Variants in FBXO32 observed in about 807,000 individuals in gnomAD.
FBXO32 encodes the protein F-box only protein 32.
A neutral mutation model predicts 48.3 loss-of-function variants in FBXO32; 15 were observed. The observed-to-expected ratio is 0.31, with a 90% confidence interval of 0.21 to 0.48. The LOEUF (loss-of-function observed/expected upper bound fraction) is 0.48. FBXO32 is among the 20% of genes least tolerant of loss of function. The probability of loss-of-function intolerance (pLI) is 0.99; values close to 1 mark genes in which losing one functional copy is unlikely to be tolerated. For missense variants in FBXO32, 309 were observed against 432.7 expected, an observed-to-expected ratio of 0.71 and a Z score of 2.54; for synonymous variants, 154 against 165.9, an observed-to-expected ratio of 0.93 and a Z score of 0.55.
At chr8:123,508,019 T>C (rs1395103067) in intron 6 of FBXO32, among the ~76,000 whole-genome samples, 1 of 152,180 alleles carries the variant, frequency 6.6e-6, no homozygotes, top group Non-Finnish European at 1.5e-5. Context: ...GATAAGTCAA[T>C]AGACCACCTG....
rs1816525094 is a variant in FBXO32, at chr8:123,502,834, T to C, written c.*539A>G. On this transcript the variant is annotated 3_prime_UTR_variant, in exon 9 of 9. Transcript: ENST00000517956. ...GGTAGACCATTGTGTGGTATCTCTG[T>C]AGGGTAAGGCTCTGTGCCCATGCAG... is the stretch of plus-strand genomic sequence containing the variant. 6.6e-6 allele frequency: 1 copy of C among 152,476 alleles called. No homozygotes were observed. Among genetic ancestry groups the C allele is most frequent in the South Asian group, 2.1e-4 (1 of 4,842 alleles). 9.4% of individuals were successfully genotyped at this position (152,476 alleles called of 1,614,324 possible). A position where few individuals can be genotyped will look rare whatever the true frequency, so the allele number is the denominator to read the frequency against.
chr8:123,538,160 T>A (rs994524209), intron 1 of FBXO32, among the ~76,000 whole-genome samples: 1 of 152,124 alleles, frequency 6.6e-6, no homozygotes, highest in African/African-American at 2.4e-5. Flanking sequence ...CCTGGACACA[T>A]GGCTGGGACT....
chr8:123,541,021 G>A lies in FBXO32; in HGVS notation c.-7C>T. ...CCTGCCCGAGGAATGGCATGGCACC[G>A]CGAGCGGACTAGACGGATGGGGAGA... On this transcript the variant is annotated 5_prime_UTR_variant, in exon 1 of 9. Transcript: ENST00000517956. 1 of 1,598,708 alleles carries A rather than the reference G, an allele frequency of 6.3e-7. No individual in the cohort carries two copies. The highest frequency in any genetic ancestry group is 8.6e-7 in the Non-Finnish European group (1 of 1,169,418).
chr8:123,533,359 T>G, intron 2 of FBXO32, 119 bp from the exon 3 acceptor site: 1 of 790,116 alleles, frequency 1.3e-6, no homozygotes, highest in Non-Finnish European at 2.0e-6. Flanking sequence ...AGGAGTCTAC[T>G]GACAACTGAA....
At chr8:123,510,164 A>C (rs1030907729) in intron 6 of FBXO32, among the ~76,000 whole-genome samples, 1 of 152,218 alleles carries the variant, frequency 6.6e-6, no homozygotes, top group South Asian at 2.1e-4. Flanking sequence ...CAGCTGATAC[A>C]TTTACAATAC....
At chr8:123,514,457 G>A in intron 4 of FBXO32, 124 bp from the exon 5 acceptor site, 2 of 570,624 alleles carry the variant, frequency 3.5e-6, no homozygotes, top group Non-Finnish European at 5.9e-6. Context: ...GGCAGGCAGG[G>A]CCACAATGCA....
At chr8:123,531,800 A>T in intron 4 of FBXO32, 98 bp downstream of exon 4, 1 of 1,483,182 alleles carries the variant, frequency 6.7e-7, no homozygotes, top group East Asian at 2.3e-5. Context: ...TTAGGGTCCT[A>T]AAAAGTAATT....
intron 4 of FBXO32, among the ~76,000 whole-genome samples, chr8:123,526,156 G>A (rs552302262): frequency 1.3e-5 from 2 of 151,822 alleles, no homozygotes; most frequent in South Asian, 4.2e-4. Flanking sequence ...CCATTTTACA[G>A]ATGGGCGAGT....
Position 123,511,487 on chromosome 8 carries a change from T to G in FBXO32, c.651+1711A>C, listed in dbSNP as rs150635992. 5.5e-3 allele frequency among the ~76,000 whole-genome samples: 834 copies of G among 151,662 alleles called. 4 individuals carry two copies. Among genetic ancestry groups the G allele is most frequent in the African/African-American group, 0.017 (715 of 41,404 alleles). ...ACCATCTAGAGGTTTTTTGTTTTTT[T>G]TTTTTTTCCTTGAGATGGAGTCTCA... On this transcript the variant is annotated intron_variant, in intron 6 of 8. Transcript: ENST00000517956.
chr8:123,524,052 A>T (rs979808520), intron 4 of FBXO32, among the ~76,000 whole-genome samples: 1 of 152,222 alleles, frequency 6.6e-6, no homozygotes, highest in Non-Finnish European at 1.5e-5. Context: ...ATATGCATAA[A>T]TTGAGAGTGC....
intron 4 of FBXO32, among the ~76,000 whole-genome samples, chr8:123,526,758 T>A (rs1031793975): frequency 2.0e-5 from 3 of 152,172 alleles, no homozygotes; most frequent in Admixed American, 1.3e-4. Context: ...CTCTACCACA[T>A]CTTGGTTCTT....
In FBXO32 at chr8:123,501,866, C is replaced by T. The variant is rs1327592998; in HGVS notation, c.*1507G>A. ...GAAAAAAAAAAAGCATATACAACTG[C>T]AAATATATGTACATTGTTGTAGGAA... On this transcript the variant is annotated 3_prime_UTR_variant, in exon 9 of 9. Coordinates refer to ENST00000517956, the MANE Select transcript of FBXO32 (RefSeq NM_058229.4). The T allele has an allele frequency of 2.0e-5, 3 of 151,908 alleles. No individual in the cohort carries two copies. Among genetic ancestry groups the T allele is most frequent in the African/African-American group, 7.3e-5 (3 of 41,372 alleles). 9.4% of individuals were successfully genotyped at this position (151,908 alleles called of 1,614,324 possible).
intron 6 of FBXO32, among the ~76,000 whole-genome samples, chr8:123,511,285 C>T (rs796589190): frequency 3.3e-5 from 5 of 152,226 alleles, no homozygotes; most frequent in African/African-American, 1.2e-4. Flanking sequence ...ACTCCACCTC[C>T]ACTCCAAGAG....
intron 4 of FBXO32, among the ~76,000 whole-genome samples, chr8:123,521,899 T>C (rs994315671): frequency 6.6e-6 from 1 of 152,144 alleles, no homozygotes; most frequent in African/African-American, 2.4e-5. Flanking sequence ...CTAGGCAGTG[T>C]CTCTCTCTGC....
intron 4 of FBXO32, among the ~76,000 whole-genome samples, chr8:123,531,277 C>A (rs1425522880): frequency 6.6e-6 from 1 of 152,178 alleles, no homozygotes; most frequent in African/African-American, 2.4e-5. Flanking sequence ...CCACCGCACC[C>A]GGCCAAAACA....
intron 4 of FBXO32, among the ~76,000 whole-genome samples, chr8:123,528,196 G>A (rs1229954156): frequency 1.3e-5 from 2 of 152,202 alleles, no homozygotes; most frequent in African/African-American, 4.8e-5. Flanking sequence ...ATTTGAATGT[G>A]CAGCCAGGAC....
At chr8:123,534,573 C>T (rs1817274256) in intron 2 of FBXO32, 129 bp downstream of exon 2, 2 of 552,588 alleles carry the variant, frequency 3.6e-6, no homozygotes, top group Non-Finnish European at 6.4e-6. Context: ...TCAGTAACCT[C>T]TGTCAGTGAC....
In FBXO32 at chr8:123,503,445, G is replaced by A. The variant is rs141706906; in HGVS notation, c.996C>T (p.Cys332=). 5.5e-5 allele frequency: 89 copies of A among 1,613,902 alleles called. No individual in the cohort carries two copies. The highest frequency in any genetic ancestry group is 7.2e-5 in the Non-Finnish European group (85 of 1,179,930). Residue 332 remains cysteine (C), a synonymous_variant, in exon 9 of 9, where the codon TGC becomes TGT. Transcript: ENST00000517956. ...AGCAGCTCTCTGGGTTATTGGCAGT[G>A]CACGGATGGTCAGTGCCCTGGAAAG... The part of the protein sequence containing the change: ...ILSWKGTDHP[C]TANNPESCSV...
intron 8 of FBXO32, among the ~76,000 whole-genome samples, chr8:123,503,981 G>A (rs982596378): frequency 1.3e-5 from 2 of 151,648 alleles, no homozygotes; most frequent in African/African-American, 4.8e-5. Flanking sequence ...CGGGGAGGCT[G>A]AAGCAGGAGA....
Sources: allele counts gnomAD v4.1 joint callset (sites outside exome capture counted in the v4.1 genomes callset), GRCh38; gene constraint gnomAD v4.1.1; transcripts MANE v1.5; gene names NCBI Gene and HGNC (gene_info 2026-07-23, HGNC 2026-07-21).